JAK2: variants seen among roughly 807,000 people sequenced by gnomAD.
JAK2 encodes the protein Janus kinase 2.
A neutral mutation model predicts 139.3 loss-of-function variants in JAK2; 86 were observed. The observed-to-expected ratio is 0.62, with a 90% CI of 0.52 to 0.74. The LOEUF is 0.74. Among genes scored for constraint, JAK2 ranks in the 30% least tolerant of loss-of-function variants. The pLI is 0.00. For synonymous variants in JAK2, 490 were observed against 437.7 expected, an observed-to-expected ratio of 1.12 and a Z score of -1.49; for missense variants, 1,421 against 1,360.3, an observed-to-expected ratio of 1.04 and a Z score of -0.70.
chr9:5,122,789 G>C (rs1823711484), intron 22 of JAK2, among the ~76,000 whole-genome samples: 1 of 151,952 alleles, frequency 6.6e-6, no homozygotes, highest in South Asian at 2.1e-4. Context: ...GGCATAGTGA[G>C]TCACTCTTAT....
At chr9:5,126,569 CTG>C (rs1227233841) in intron 24 of JAK2, 113 bp from the exon 25 acceptor site, 5 of 929,746 alleles carry the variant, frequency 5.4e-6, no homozygotes, top group Non-Finnish European at 8.3e-6. Context: ...AATCAGATGA[CTG>C]TGGAACAAGG....
At chr9:5,029,422 G>A (rs1299117310) in intron 3 of JAK2, among the ~76,000 whole-genome samples, 2 of 152,100 alleles carry the variant, frequency 1.3e-5, no homozygotes, top group Non-Finnish European at 2.9e-5. Flanking sequence ...TTGAAGTATT[G>A]CAAGAATTAC....
chr9:5,096,235 A>T (rs939038792), intron 22 of JAK2, among the ~76,000 whole-genome samples: 2 of 152,150 alleles, frequency 1.3e-5, no homozygotes, highest in African/African-American at 4.8e-5. Context: ...CCTCTTACCC[A>T]TCTCTCCACT....
At chr9:5,101,918 A>C (rs1821525237) in intron 22 of JAK2, among the ~76,000 whole-genome samples, 1 of 152,200 alleles carries the variant, frequency 6.6e-6, no homozygotes, top group African/African-American at 2.4e-5. Context: ...CAAAGACCAA[A>C]AGTAGATAAA....
At chr9:4,985,056 C>G (rs1226506458), upstream of JAK2, 1 of 152,312 alleles carries the variant, frequency 6.6e-6, no homozygotes, top group Non-Finnish European at 1.5e-5. Flanking sequence ...CCGGCTCTCC[C>G]CCAGCCTCTA....
intron 5 of JAK2, among the ~76,000 whole-genome samples, chr9:5,048,726 T>C (rs865827063): frequency 7.2e-5 from 11 of 152,174 alleles, no homozygotes; most frequent in African/African-American, 2.4e-4. Flanking sequence ...GAAAAGCAAA[T>C]ATACTTTTAA....
In JAK2 at chr9:5,029,678, C is replaced by G. The variant is rs1039844047; in HGVS notation, c.227-105C>G. Reference sequence around the variant, plus strand: ...ATTTCGACTGCTATTACATTTTGTTCCGATTTTAAGAGTTGTTACTTTAGC... The same window carrying G: ...ATTTCGACTGCTATTACATTTTGTTGCGATTTTAAGAGTTGTTACTTTAGC... On this transcript the variant is annotated intron_variant, in intron 3 of 24. Transcript: ENST00000381652. The G allele has an allele frequency of 3.4e-5, 34 of 1,007,292 alleles. No homozygotes were observed. The African/African-American group carries it at 4.3e-4, about 13-fold the overall frequency. The allele number at this position is 1,007,292 out of a possible 1,614,324, so 62.4% of individuals were successfully genotyped here. A position where few individuals can be genotyped will look rare whatever the true frequency, so the allele number is the denominator to read the frequency against.
chr9:4,988,110 A>G (rs1820066040), intron 2 of JAK2, among the ~76,000 whole-genome samples: 1 of 152,168 alleles, frequency 6.6e-6, no homozygotes, highest in Non-Finnish European at 1.5e-5. Context: ...CTTGTGGTTA[A>G]CTGTGCTAAG....
Position 5,126,565 on chromosome 9 carries a change from A to G in JAK2, c.3291+119A>G, listed in dbSNP as rs182773602. On this transcript the variant is annotated intron_variant, in intron 24 of 24. Coordinates refer to ENST00000381652, the MANE Select transcript of JAK2 (RefSeq NM_004972.4). ...GCTTCCAGATAAACAGCATAATCAG[A>G]TGACTGTGGAACAAGGCATGGTTAT... is the stretch of plus-strand genomic sequence containing the variant. 12 of 925,036 alleles carry G rather than the reference A, an allele frequency of 1.3e-5. No individual in the cohort carries two copies. The Admixed American group carries it at 2.7e-4, about 21-fold the overall frequency. 57.3% of individuals were successfully genotyped at this position (925,036 alleles called of 1,614,324 possible).
At chr9:5,010,469 T>G (rs1006726796) in intron 2 of JAK2, among the ~76,000 whole-genome samples, 7 of 151,978 alleles carry the variant, frequency 4.6e-5, no homozygotes, top group Admixed American at 1.3e-4. Flanking sequence ...TACAGGCGTG[T>G]ACCACTATGC....
chr9:5,055,042 T>G (rs552327720), intron 7 of JAK2, among the ~76,000 whole-genome samples, 158 bp downstream of exon 7: 1 of 152,144 alleles, frequency 6.6e-6, no homozygotes, highest in African/African-American at 2.4e-5. Context: ...CATATAATTC[T>G]TTGCCTACTA....
chr9:5,113,894 C>A, intron 22 of JAK2: 3 of 224,848 alleles, frequency 1.3e-5, no homozygotes, highest in South Asian at 1.2e-4. Flanking sequence ...ATCTTACAGT[C>A]CTCCTGTGAT....
chr9:5,089,673 G>A lies in JAK2; in HGVS notation c.2572-1G>A. On this transcript the variant is annotated splice_acceptor_variant, in intron 19 of 24. Coordinates refer to ENST00000381652, the MANE Select transcript of JAK2 (RefSeq NM_004972.4). LOFTEE classifies it high-confidence loss of function. ...CCATCCTAATGTGATGTGTCATTTA[G>A]GGTAATTTTGGGAGTGTGGAGATGT... 2 of 1,353,696 alleles carry A rather than the reference G, an allele frequency of 1.5e-6. No individual in the cohort carries two copies. Among genetic ancestry groups the A allele is most frequent in the Non-Finnish European group, 1.9e-6 (2 of 1,042,352 alleles). 83.9% of individuals were successfully genotyped at this position (1,353,696 alleles called of 1,614,324 possible). A position where few individuals can be genotyped will look rare whatever the true frequency, so the allele number is the denominator to read the frequency against.
At chr9:5,041,667 T>C in intron 4 of JAK2, 1 of 509,818 alleles carries the variant, frequency 2.0e-6, no homozygotes, top group Non-Finnish European at 4.0e-6. Flanking sequence ...GCGGAAGCTC[T>C]CCAGCTACCT....
intron 8 of JAK2, among the ~76,000 whole-genome samples, chr9:5,063,903 A>G (rs1392939839): frequency 6.6e-6 from 1 of 152,248 alleles, no homozygotes; most frequent in East Asian, 1.9e-4. Context: ...CACGCGTGTA[A>G]TCCCAGCACT....
At chr9:4,990,855 G>A (rs1820201797) in intron 2 of JAK2, among the ~76,000 whole-genome samples, 1 of 152,130 alleles carries the variant, frequency 6.6e-6, no homozygotes, top group Non-Finnish European at 1.5e-5. Context: ...TTTGACAGTT[G>A]GGTGATCAGT....
chr9:5,121,092 T>C (rs972918203), intron 22 of JAK2, among the ~76,000 whole-genome samples: 1 of 152,170 alleles, frequency 6.6e-6, no homozygotes, highest in African/African-American at 2.4e-5. Context: ...AAACCTTCAA[T>C]TTAGAAGAGG....
chr9:5,054,879 G>C lies in JAK2; in HGVS notation c.931G>C (p.Glu311Gln). Residue 311 changes from glutamate to glutamine, a missense_variant, in exon 7 of 25, where the codon GAA becomes CAA. By Grantham distance (29) the Glu-to-Gln change is conservative (BLOSUM62 2). Coordinates refer to ENST00000381652, the MANE Select transcript of JAK2 (RefSeq NM_004972.4). This position sits in a 1 kb window ranked among gnomAD's most constrained non-coding sequence, Gnocchi z 4.9. ...GKHKESETLT[E>Q]QDLQLYCDFP... Reference sequence around the variant, plus strand: ...ACATAAAGAAAGTGAGACACTGACAGAACAGGTAATCCTTAATGATATGTT... The same window carrying C: ...ACATAAAGAAAGTGAGACACTGACACAACAGGTAATCCTTAATGATATGTT... 1 of 1,586,154 alleles carries C rather than the reference G, an allele frequency of 6.3e-7. No homozygotes were observed. Among genetic ancestry groups the C allele is most frequent in the Non-Finnish European group, 8.6e-7 (1 of 1,162,834 alleles).
intron 12 of JAK2, 35 bp downstream of exon 12, chr9:5,070,087 T>C: frequency 1.3e-6 from 2 of 1,501,012 alleles, no homozygotes; most frequent in Non-Finnish European, 1.8e-6. Context: ...GTCTTTTTTG[T>C]CCTTTTAAAA....
Sources: gnomAD v4.1 joint callset for allele counts (sites outside exome capture counted in the v4.1 genomes callset) on GRCh38, gnomAD v4.1.1 for gene constraint, Gnocchi (gnomAD v3.1) non-coding constraint, MANE v1.5 for transcripts, NCBI Gene and HGNC (gene_info 2026-07-23, HGNC 2026-07-21) for gene names.